The following HHAT variants were observed in gnomAD, a reference collection of about 807,000 sequenced individuals.
HHAT encodes the protein hedgehog acyltransferase, also known as protein-cysteine N-palmitoyltransferase HHAT.
HHAT carries 47 observed loss-of-function variants against 70.8 expected under a neutral mutation model. The ratio of observed to expected loss-of-function variants is 0.66; its 90% CI spans 0.53 to 0.85. HHAT has a LOEUF of 0.85. Ranked by LOEUF, HHAT falls within the 40% of genes least tolerant of loss-of-function variation. HHAT has a pLI of 0.00. For missense variants in HHAT, 609 were observed against 604.8 expected (o/e 1.01, Z -0.07); for synonymous variants, 228 against 247.6 (o/e 0.92, Z 0.74).
chr1:210,463,812 A>G (rs1231221689), intron 7 of HHAT, among the ~76,000 whole-genome samples: 3 of 152,190 alleles, frequency 2.0e-5, no homozygotes, highest in Non-Finnish European at 2.9e-5. Flanking sequence ...CTTCATCAAC[A>G]CTTGCTGATC....
chr1:210,669,845 T>TAATGGGGAGAGA (rs1233789377), intron 11 of HHAT, among the ~76,000 whole-genome samples: 1 of 152,108 alleles, frequency 6.6e-6, no homozygotes, highest in Non-Finnish European at 1.5e-5. Context: ...TGAGCCACAT[T>TAATGGGGAGAGA]AATGGGGAGA....
At chr1:210,583,477 A>G (rs1026306865) in intron 9 of HHAT, among the ~76,000 whole-genome samples, 2 of 152,180 alleles carry the variant, frequency 1.3e-5, no homozygotes, top group African/African-American at 4.8e-5. Flanking sequence ...GTTTCATACT[A>G]TTGCTTTTCT....
At chr1:210,339,603 G>A (rs2085821645) in intron 1 of HHAT, among the ~76,000 whole-genome samples, 1 of 152,182 alleles carries the variant, frequency 6.6e-6, no homozygotes, top group South Asian at 2.1e-4. Flanking sequence ...AGGAGCCCTG[G>A]CCTGGGGGAG....
At chr1:210,362,236 CT>C (rs72236593) in intron 2 of HHAT, among the ~76,000 whole-genome samples, 54,984 of 139,528 alleles carry the variant, frequency 0.39, 12,879 homozygotes, top group African/African-American at 0.72. Context: ...GTCAAAATTT[CT>C]TTTTTTTTTT....
At chr1:210,376,982 A>G (rs1202839611) in intron 3 of HHAT, among the ~76,000 whole-genome samples, 1 of 152,224 alleles carries the variant, frequency 6.6e-6, no homozygotes, top group Non-Finnish European at 1.5e-5. Flanking sequence ...GTGGAGTTCC[A>G]GTTTGCTATG....
intron 4 of HHAT, among the ~76,000 whole-genome samples, chr1:210,394,180 T>C (rs1157942991): frequency 6.8e-6 from 1 of 146,646 alleles, no homozygotes; most frequent in Admixed American, 6.9e-5. Flanking sequence ...TTCCACCTCC[T>C]CCCATGGAGA....
At chr1:210,516,851 A>G (rs2095065686) in intron 9 of HHAT, among the ~76,000 whole-genome samples, 1 of 152,236 alleles carries the variant, frequency 6.6e-6, no homozygotes, top group Admixed American at 6.5e-5. Flanking sequence ...CAAGAGCCCT[A>G]TCTTTGATCT....
At chr1:210,655,371 C>G (rs1676169739) in intron 11 of HHAT, among the ~76,000 whole-genome samples, 1 of 152,184 alleles carries the variant, frequency 6.6e-6, no homozygotes, top group Non-Finnish European at 1.5e-5. Flanking sequence ...TGTTCTGTCT[C>G]CTCTGACCCT....
upstream of HHAT, chr1:210,328,308 T>C (rs1218334813): frequency 6.6e-6 from 1 of 152,236 alleles, no homozygotes; most frequent in African/African-American, 2.4e-5. Flanking sequence ...TTATACCCCG[T>C]TGGAGCATCT....
At chr1:210,667,515 A>G (rs1188552324) in intron 11 of HHAT, among the ~76,000 whole-genome samples, 2 of 152,206 alleles carry the variant, frequency 1.3e-5, no homozygotes, top group East Asian at 3.8e-4. Context: ...ATTTGCTAAC[A>G]TCCCAATGTT....
chr1:210,548,556 C>T (rs12138085), intron 9 of HHAT, among the ~76,000 whole-genome samples: 3 of 152,168 alleles, frequency 2.0e-5, no homozygotes, highest in African/African-American at 7.2e-5. Flanking sequence ...GGGACAGGCA[C>T]CCAGATGTGG....
intron 11 of HHAT, among the ~76,000 whole-genome samples, chr1:210,671,152 C>G (rs1574139644): frequency 6.6e-6 from 1 of 152,184 alleles, no homozygotes; most frequent in Non-Finnish European, 1.5e-5. Flanking sequence ...TGCCCCAGGC[C>G]TAGCATTGTG....
intron 3 of HHAT, among the ~76,000 whole-genome samples, chr1:210,387,234 C>T (rs1276150519): frequency 6.6e-6 from 1 of 152,136 alleles, no homozygotes; most frequent in East Asian, 1.9e-4. Context: ...TGGGGAATGG[C>T]AATGGCAATC....
chr1:210,410,763 T>C (rs2092522732), intron 6 of HHAT, among the ~76,000 whole-genome samples: 1 of 151,964 alleles, frequency 6.6e-6, no homozygotes, highest in Non-Finnish European at 1.5e-5. Context: ...TGACCTCAAG[T>C]GATCCGCCCG....
At chr1:210,396,281 G>C (rs1305329381) in intron 4 of HHAT, among the ~76,000 whole-genome samples, 2 of 152,198 alleles carry the variant, frequency 1.3e-5, no homozygotes, top group Admixed American at 6.5e-5. Flanking sequence ...AGTAGTTCCG[G>C]TGGGGCTGTC....
intron 6 of HHAT, among the ~76,000 whole-genome samples, chr1:210,414,208 C>T (rs1348707083): frequency 6.6e-6 from 1 of 152,168 alleles, no homozygotes; most frequent in African/African-American, 2.4e-5. Flanking sequence ...CTAGCTAACT[C>T]TCTGAGGTTT....
intron 9 of HHAT, among the ~76,000 whole-genome samples, chr1:210,516,338 A>C (rs1485044241): frequency 6.6e-6 from 1 of 152,078 alleles, no homozygotes; most frequent in Non-Finnish European, 1.5e-5. Flanking sequence ...TTTCTTTTTA[A>C]TGGGATGAAC....
rs984675883 is a variant in HHAT, at chr1:210,377,588, G to C, written c.160-9880G>C. Among the ~76,000 whole-genome samples, 7 of 152,314 alleles carry C rather than the reference G, an allele frequency of 4.6e-5. No individual in the cohort carries two copies. The East Asian group carries it at 7.7e-4, about 17-fold the overall frequency. On this transcript the variant is annotated intron_variant, in intron 3 of 11. Coordinates refer to ENST00000261458, the MANE Select transcript of HHAT (RefSeq NM_018194.6). ...AATCCAAAGTGACTTCTGAGAAACA[G>C]GTCAGTAGGTAGAGTTGTGACCAGA... is the stretch of plus-strand genomic sequence containing the variant.
chr1:210,611,887 G>T (rs1368054108), intron 10 of HHAT, among the ~76,000 whole-genome samples: 1 of 152,108 alleles, frequency 6.6e-6, no homozygotes, highest in Non-Finnish European at 1.5e-5. Context: ...GCTTTTTGAC[G>T]TGCTGCTGGA....
Sources: allele counts gnomAD v4.1 joint callset (sites outside exome capture counted in the v4.1 genomes callset), GRCh38; gene constraint gnomAD v4.1.1; transcripts MANE v1.5; gene names NCBI Gene and HGNC (gene_info 2026-07-23, HGNC 2026-07-21).